The following DPP4 variants were observed in gnomAD, a reference collection of about 807,000 sequenced individuals.
DPP4 encodes ADCP-2.
DPP4 carries 93 observed loss-of-function variants against 122.4 expected under a neutral mutation model. That is an observed-to-expected ratio of 0.76 (90% CI 0.64 to 0.90). The LOEUF is 0.90. Among genes scored for constraint, DPP4 ranks in the 40% least tolerant of loss-of-function variants. The pLI is 0.00. For missense variants in DPP4, 914 were observed against 907.3 expected (o/e 1.01, Z -0.09); for synonymous variants, 321 against 302.9 (o/e 1.06, Z -0.62).
At chr2:162,031,075 C>A (rs183557332) in intron 10 of DPP4, among the ~76,000 whole-genome samples, 1 of 152,330 alleles carries the variant, frequency 6.6e-6, no homozygotes, top group East Asian at 1.9e-4. Flanking sequence ...ACAGTCCCAG[C>A]CCATGAGAAG....
chr2:162,049,537 G>A (rs1271032550), intron 2 of DPP4, among the ~76,000 whole-genome samples: 1 of 152,098 alleles, frequency 6.6e-6, no homozygotes, highest in Non-Finnish European at 1.5e-5. Context: ...CAGACTCTGG[G>A]CTTAATACCA....
chr2:162,050,582 C>T (rs753786119), intron 2 of DPP4, among the ~76,000 whole-genome samples: 5 of 152,304 alleles, frequency 3.3e-5, no homozygotes, highest in Middle Eastern at 3.4e-3. Context: ...CACTCGGCTG[C>T]GTTAGAATAA....
intron 2 of DPP4, among the ~76,000 whole-genome samples, chr2:162,070,174 T>C (rs938228590): frequency 1.3e-5 from 2 of 152,220 alleles, no homozygotes; most frequent in African/African-American, 4.8e-5. Context: ...AGTAGGATGA[T>C]TGAAAAAAAA....
chr2:162,015,725 G>A (rs549633969), intron 18 of DPP4, among the ~76,000 whole-genome samples: 3 of 151,976 alleles, frequency 2.0e-5, no homozygotes, highest in East Asian at 1.9e-4. Flanking sequence ...CAAGTCACCC[G>A]TCTACTAATG....
intron 14 of DPP4, among the ~76,000 whole-genome samples, chr2:162,019,956 G>C (rs568084275): frequency 6.6e-6 from 1 of 152,076 alleles, no homozygotes; most frequent in African/African-American, 2.4e-5. Context: ...TTGCTAGTTC[G>C]GCGTTCCACA....
Position 162,022,111 on chromosome 2 carries a change from G to A in DPP4, c.1068+644C>T, listed in dbSNP as rs1421744973. On this transcript the variant is annotated intron_variant, in intron 12 of 25. Transcript: ENST00000360534. ...TACCATGCAAGGTGACATGATGACT[G>A]GAGTTCCTTCATCAACTCATTACAT... 6.6e-5 allele frequency among the ~76,000 whole-genome samples: 10 copies of A among 152,140 alleles called. 1 individual carries two copies. Among genetic ancestry groups the A allele is most frequent in the Admixed American group, 6.5e-4 (10 of 15,280 alleles).
At position 162,014,404 on chromosome 2, in the gene DPP4, T is replaced by A; in HGVS notation, c.1629A>T (p.Leu543=). Reference sequence around the variant, plus strand: ...TTCTCTTGAATACTTACACATCTAATAGTAGAGGATATTTCTTGGATTTAT... The same window carrying A: ...TTCTCTTGAATACTTACACATCTAAAAGTAGAGGATATTTCTTGGATTTAT... ...HFDKSKKYPL[L]LDVYAGPCSQ... Residue 543 remains leucine, a synonymous_variant, in exon 19 of 26, where the codon CTA becomes CTT. Transcript: ENST00000360534. 6.2e-7 allele frequency: 1 copy of A among 1,606,040 alleles called. No individual in the cohort carries two copies.
intron 23 of DPP4, among the ~76,000 whole-genome samples, chr2:161,997,591 G>A (rs1435052745): frequency 6.6e-6 from 1 of 152,116 alleles, no homozygotes; most frequent in East Asian, 1.9e-4. Flanking sequence ...AATAAAATAT[G>A]CTCATTCTGA....
intron 2 of DPP4, among the ~76,000 whole-genome samples, chr2:162,062,788 C>G (rs1220609960): frequency 6.6e-6 from 1 of 152,080 alleles, no homozygotes; most frequent in African/African-American, 2.4e-5. Flanking sequence ...TCAGTCAGGC[C>G]CAAGCAGGTA....
At chr2:162,022,906 G>A (rs1000053373) in intron 11 of DPP4, 107 bp from the exon 12 acceptor site, 15 of 1,072,162 alleles carry the variant, frequency 1.4e-5, no homozygotes, top group Non-Finnish European at 2.1e-5. Context: ...ATAACTGAGA[G>A]CTATCTCCAT....
chr2:162,036,518 T>C (rs536360304), intron 8 of DPP4, among the ~76,000 whole-genome samples: 11 of 152,294 alleles, frequency 7.2e-5, no homozygotes, highest in African/African-American at 2.6e-4. Context: ...TAGGATCACA[T>C]GGCTAAGAAT....
intron 13 of DPP4, 61 bp downstream of exon 13, chr2:162,020,520 A>C (rs2106101734): frequency 7.6e-7 from 1 of 1,314,848 alleles, no homozygotes; most frequent in East Asian, 2.4e-5. Flanking sequence ...TTTCCACTTC[A>C]AGTTGGTTTC....
intron 12 of DPP4, among the ~76,000 whole-genome samples, chr2:162,020,978 T>C (rs1683105388): frequency 1.3e-5 from 2 of 152,194 alleles, no homozygotes; most frequent in Non-Finnish European, 2.9e-5. Flanking sequence ...CTTTTCTCTA[T>C]GGATGATAAC....
chr2:162,066,587 G>A (rs541434494), intron 2 of DPP4, among the ~76,000 whole-genome samples: 1 of 152,240 alleles, frequency 6.6e-6, no homozygotes, highest in Non-Finnish European at 1.5e-5. Context: ...AGTGGAACAG[G>A]GACATTATCT....
chr2:162,030,233 T>A (rs1683495061), intron 10 of DPP4, among the ~76,000 whole-genome samples: 1 of 152,194 alleles, frequency 6.6e-6, no homozygotes, highest in Admixed American at 6.5e-5. Flanking sequence ...TCATAACAAA[T>A]CTAATCAACT....
intron 2 of DPP4, among the ~76,000 whole-genome samples, chr2:162,055,334 C>T (rs185678164): frequency 6.6e-6 from 1 of 152,146 alleles, no homozygotes; most frequent in Non-Finnish European, 1.5e-5. Context: ...ACTGATGTTT[C>T]TCTGATTACT....
At chr2:162,045,487 C>G (rs202041698) in intron 5 of DPP4, 45 bp downstream of exon 5, 1 of 1,416,792 alleles carries the variant, frequency 7.1e-7, no homozygotes, top group African/African-American at 1.4e-5. Flanking sequence ...ACATAGCATA[C>G]TCTTGGATTA....
At chr2:162,032,063 T>C (rs1005799506) in intron 10 of DPP4, 1 of 152,202 alleles carries the variant, frequency 6.6e-6, no homozygotes, top group African/African-American at 2.4e-5. Flanking sequence ...GCCTTCCTGA[T>C]GTACTTAATG....
intron 2 of DPP4, among the ~76,000 whole-genome samples, chr2:162,065,682 T>C (rs1684923189): frequency 6.6e-6 from 1 of 152,126 alleles, no homozygotes; most frequent in Non-Finnish European, 1.5e-5. Context: ...GCTGAAGGAT[T>C]GGAAGGATAA....
Sources: gnomAD v4.1 joint callset for allele counts (sites outside exome capture counted in the v4.1 genomes callset) on GRCh38, gnomAD v4.1.1 for gene constraint, MANE v1.5 for transcripts, NCBI Gene and HGNC (gene_info 2026-07-23, HGNC 2026-07-21) for gene names.